The following PCDH15 variants were observed in gnomAD, a reference collection of about 807,000 sequenced individuals.
PCDH15 encodes protocadherin related 15, also known as protocadherin-15.
In PCDH15, 129 loss-of-function variants were observed where a neutral mutation model predicts 178.5. The observed-to-expected ratio is 0.72, with a 90% CI of 0.63 to 0.84. PCDH15 has a LOEUF of 0.84. Ranked by LOEUF, PCDH15 falls within the 40% of genes least tolerant of loss-of-function variation. The pLI is 0.00. For synonymous variants in PCDH15, 800 were observed against 732.0 expected, an observed-to-expected ratio of 1.09 and a Z score of -1.50; for missense variants, 2,230 against 2,099.9, an observed-to-expected ratio of 1.06 and a Z score of -1.21.
chr10:54,807,076 T>C (rs1350187272), intron 3 of PCDH15, among the ~76,000 whole-genome samples: 3 of 152,182 alleles, frequency 2.0e-5, no homozygotes, highest in Non-Finnish European at 4.4e-5. Context: ...CAAGACATAA[T>C]GCTAGTGGCC....
chr10:55,038,826 T>C (rs963161262), intron 2 of PCDH15, among the ~76,000 whole-genome samples: 11 of 152,162 alleles, frequency 7.2e-5, no homozygotes, highest in Non-Finnish European at 8.8e-5. Flanking sequence ...ATCTTACCTG[T>C]TGGAAACCAT....
intron 8 of PCDH15, among the ~76,000 whole-genome samples, chr10:54,307,928 T>G (rs760516914): frequency 1.3e-5 from 2 of 152,002 alleles, no homozygotes; most frequent in Non-Finnish European, 2.9e-5. Context: ...ATAGTAACAA[T>G]AGCAAATATT....
intron 1 of PCDH15, among the ~76,000 whole-genome samples, chr10:54,771,150 C>A (rs1591544510): frequency 1.3e-5 from 2 of 152,008 alleles, no homozygotes; most frequent in South Asian, 4.1e-4. Context: ...AATAATTTAA[C>A]CTTCATGGTC....
At chr10:54,893,272 T>A (rs1954493469) in intron 3 of PCDH15, among the ~76,000 whole-genome samples, 1 of 152,020 alleles carries the variant, frequency 6.6e-6, no homozygotes, top group African/African-American at 2.4e-5. Flanking sequence ...TACCCAGATT[T>A]AAAAAAATAT....
Position 53,806,382 on chromosome 10 carries a change from G to C in PCDH15, c.*197C>G. On this transcript the variant is annotated 3_prime_UTR_variant, in exon 38 of 38. Transcript: ENST00000644397. ...TTATTTAGTGAAAGTATGTCCAAAA[G>C]GATTTTCTGGGAAAAACGATTAATT... 1 of 534,480 alleles carries C rather than the reference G, an allele frequency of 1.9e-6. No homozygotes were observed. Among genetic ancestry groups the C allele is most frequent in the Non-Finnish European group, 3.2e-6 (1 of 308,938 alleles). The allele number at this position is 534,480 out of a possible 1,614,324, so 33.1% of individuals were successfully genotyped here. A position where few individuals can be genotyped will look rare whatever the true frequency, so the allele number is the denominator to read the frequency against.
chr10:55,214,499 T>C (rs1840650520), intron 1 of PCDH15, among the ~76,000 whole-genome samples: 1 of 152,060 alleles, frequency 6.6e-6, no homozygotes, highest in Admixed American at 6.5e-5. Flanking sequence ...TCATAATACA[T>C]GACCATTTTA....
intron 1 of PCDH15, among the ~76,000 whole-genome samples, chr10:54,687,945 C>T (rs1471991694): frequency 1.3e-5 from 2 of 151,754 alleles, no homozygotes; most frequent in Non-Finnish European, 2.9e-5. Flanking sequence ...GTAAAAAAGC[C>T]CTAGAGATCT....
chr10:55,573,424 T>C (rs1270317439), intron 2 of PCDH15, among the ~76,000 whole-genome samples: 1 of 152,092 alleles, frequency 6.6e-6, no homozygotes, highest in Non-Finnish European at 1.5e-5. Context: ...TTCTTGAAAC[T>C]TCTTCTCTCA....
At chr10:54,541,220 C>A (rs2085184290) in intron 2 of PCDH15, among the ~76,000 whole-genome samples, 1 of 152,052 alleles carries the variant, frequency 6.6e-6, no homozygotes, top group Non-Finnish European at 1.5e-5. Flanking sequence ...CTAAAGAAGT[C>A]AAACTATCTC....
intron 2 of PCDH15, among the ~76,000 whole-genome samples, chr10:55,158,695 A>C (rs1838968122): frequency 3.2e-5 from 1 of 30,794 alleles, no homozygotes; most frequent in Non-Finnish European, 1.6e-4. Flanking sequence ...GTTCTAAGTA[A>C]AAAAAAAAAA....
intron 25 of PCDH15, among the ~76,000 whole-genome samples, chr10:53,914,088 G>A (rs2083351728): frequency 6.6e-6 from 1 of 152,174 alleles, no homozygotes; most frequent in East Asian, 1.9e-4. Flanking sequence ...CAGTTAGAAT[G>A]GCAATCATTA....
At chr10:54,504,068 C>T (rs1340113294) in intron 3 of PCDH15, among the ~76,000 whole-genome samples, 1 of 152,060 alleles carries the variant, frequency 6.6e-6, no homozygotes, top group Non-Finnish European at 1.5e-5. Flanking sequence ...CTCACATATT[C>T]ATAGTTGTCT....
At chr10:53,968,708 T>C (rs904422732) in intron 21 of PCDH15, among the ~76,000 whole-genome samples, 3 of 152,190 alleles carry the variant, frequency 2.0e-5, no homozygotes, top group African/African-American at 7.2e-5. Flanking sequence ...TTTGCTGTTC[T>C]GCAGCCTCCG....
At chr10:55,058,969 T>C (rs937079174) in intron 2 of PCDH15, among the ~76,000 whole-genome samples, 6 of 152,218 alleles carry the variant, frequency 3.9e-5, no homozygotes, top group African/African-American at 1.2e-4. Context: ...TTAAATCAGG[T>C]ATTGAATCAC....
chr10:54,160,490 A>G (rs1316130528), intron 13 of PCDH15, among the ~76,000 whole-genome samples: 1 of 152,164 alleles, frequency 6.6e-6, no homozygotes, highest in Non-Finnish European at 1.5e-5. Flanking sequence ...ATAGGAGAAA[A>G]TCTTTGTGAA....
chr10:54,798,980 A>G (rs1952351639), intron 1 of PCDH15, among the ~76,000 whole-genome samples: 1 of 152,134 alleles, frequency 6.6e-6, no homozygotes, highest in East Asian at 1.9e-4. Flanking sequence ...TTATGAAATT[A>G]CTTTATAATT....
In PCDH15 at chr10:55,395,194, TGTGA is replaced by T. The variant is rs1254302319; in HGVS notation, c.-155-228547_-155-228544del. ...GTGTGTGTGTGTGTGTGTGTGTGTG[TGTGA>T]GAGAGAGAGAGAGAGAGAGAGAGAG... On this transcript the variant is annotated intron_variant, in intron 2 of 5. Transcript: ENST00000613346. Among the ~76,000 whole-genome samples, 104 of 91,070 alleles carry T rather than the reference TGTGA, an allele frequency of 1.1e-3. No homozygotes were observed. In the South Asian group the frequency reaches 0.02, roughly 18 times the overall value. The allele number at this position is 91,070 out of a possible 152,430, so 59.7% of individuals were successfully genotyped here.
At chr10:55,052,398 A>G (rs886119287) in intron 2 of PCDH15, among the ~76,000 whole-genome samples, 7 of 151,620 alleles carry the variant, frequency 4.6e-5, no homozygotes, top group African/African-American at 1.5e-4. Context: ...AAGAATCAGT[A>G]GGATTTTAAA....
At chr10:55,264,878 A>G (rs1842240025) in intron 1 of PCDH15, among the ~76,000 whole-genome samples, 1 of 152,150 alleles carries the variant, frequency 6.6e-6, no homozygotes, top group South Asian at 2.1e-4. Flanking sequence ...CTGAGGCCCC[A>G]TATGTGCAGG....
Sources: allele counts gnomAD v4.1 joint callset (sites outside exome capture counted in the v4.1 genomes callset), GRCh38; gene constraint gnomAD v4.1.1; transcripts MANE v1.5; gene names NCBI Gene and HGNC (gene_info 2026-07-23, HGNC 2026-07-21).